Variants in CEACAM8 observed in about 807,000 individuals in gnomAD.
The protein encoded by CEACAM8 is CEA cell adhesion molecule 8.
Under a neutral mutation model 33.4 loss-of-function variants are expected in CEACAM8, and 31 were observed. The ratio of observed to expected loss-of-function variants is 0.93; its 90% CI spans 0.70 to 1.25. The LOEUF (loss-of-function observed/expected upper bound fraction) is 1.25, where lower values mean the gene tolerates loss of function less well. Ranked by LOEUF, CEACAM8 falls within the 50% of genes most tolerant of loss-of-function variation. The pLI is 0.00. For synonymous variants in CEACAM8, 138 were observed against 164.5 expected, an observed-to-expected ratio of 0.84 and a Z score of 1.23; for missense variants, 388 against 434.6, an observed-to-expected ratio of 0.89 and a Z score of 0.95.
intron 5 of CEACAM8, 81 bp downstream of exon 5, chr19:42,583,125 C>A: frequency 1.5e-6 from 1 of 686,730 alleles, no homozygotes; most frequent in Non-Finnish European, 2.6e-6. Context: ...AGGAGGAGAT[C>A]CATTCCCGGG....
chr19:42,590,843 A>G (rs942526883), intron 2 of CEACAM8, among the ~76,000 whole-genome samples: 4 of 152,156 alleles, frequency 2.6e-5, no homozygotes, highest in Admixed American at 2.6e-4. Flanking sequence ...GGTTCTAGAG[A>G]TCTGCTGTAC....
chr19:42,593,626 G>A lies in CEACAM8; in HGVS notation c.339C>T (p.Thr113=), dbSNP rs1392539523. 2 of 1,613,572 alleles carry A rather than the reference G, an allele frequency of 1.2e-6. No homozygotes were observed. The highest frequency in any genetic ancestry group is 8.5e-7 in the Non-Finnish European group (1 of 1,179,638). Residue 113 remains threonine, a synonymous_variant, in exon 2 of 6, where the codon ACC becomes ACT. Transcript: ENST00000244336. ...GGGTGTAGGATCCTGTGTCATTTCT[G>A]GTGACGTTCCGCATCAGCAGGGATG... is the stretch of plus-strand genomic sequence containing the variant. ...PNASLLMRNV[T]RNDTGSYTLQ...
chr19:42,588,675 T>A (rs2147863874), intron 4 of CEACAM8, 109 bp downstream of exon 4: 1 of 1,211,318 alleles, frequency 8.3e-7, no homozygotes, highest in East Asian at 2.3e-5. Flanking sequence ...GGGATTTGCT[T>A]GTGCTGTTGG....
Position 42,589,046 on chromosome 19 carries a change from A to C in CEACAM8, c.704-8T>G. The C allele has an allele frequency of 1.9e-6, 3 of 1,609,448 alleles. No homozygotes were observed. The highest frequency in any genetic ancestry group is 2.5e-6 in the Non-Finnish European group (3 of 1,176,836). On this transcript the variant is annotated splice_region_variant and splice_polypyrimidine_tract_variant and intron_variant, in intron 3 of 5. Transcript: ENST00000244336. ...TGGGGGCATCTGGGCCATCTAGAGCAAAAGAATAAAGTCACAGGTGATGTC... is the reference window on the plus strand; with the variant it reads ...TGGGGGCATCTGGGCCATCTAGAGCCAAAGAATAAAGTCACAGGTGATGTC...
chr19:42,584,218 A>G (rs2042298828), intron 4 of CEACAM8, among the ~76,000 whole-genome samples: 1 of 151,900 alleles, frequency 6.6e-6, no homozygotes, highest in Admixed American at 6.6e-5. Context: ...ACACACACAC[A>G]CACACACACA....
At chr19:42,593,450 G>A (rs545579185) in intron 2 of CEACAM8, 91 bp downstream of exon 2, 10 of 1,478,102 alleles carry the variant, frequency 6.8e-6, no homozygotes, top group East Asian at 4.6e-5. Context: ...GTAATGCAGA[G>A]AGGGACATGG....
intron 4 of CEACAM8, 122 bp from the exon 5 acceptor site, chr19:42,583,459 T>C: frequency 1.4e-6 from 1 of 690,850 alleles, no homozygotes; most frequent in East Asian, 2.8e-5. Context: ...TACATTATTT[T>C]TGTGGGAAGG....
At chr19:42,594,309 G>T (rs1366739135) in intron 1 of CEACAM8, among the ~76,000 whole-genome samples, 1 of 151,834 alleles carries the variant, frequency 6.6e-6, no homozygotes, top group Middle Eastern at 3.2e-3. Flanking sequence ...TGTGAGCTCT[G>T]TGAGGGCAGG....
At chr19:42,585,759 G>GA (rs1042074599) in intron 4 of CEACAM8, among the ~76,000 whole-genome samples, 1 of 151,746 alleles carries the variant, frequency 6.6e-6, no homozygotes, top group African/African-American at 2.4e-5. Flanking sequence ...AATTAGGCAA[G>GA]AAAAAAAGAA....
rs763355380 is a variant in CEACAM8 at position 42,593,909 on chromosome 19, G to C, written c.65-9C>G. 47 of 1,565,562 alleles carry C rather than the reference G, an allele frequency of 3.0e-5. No homozygotes were observed. Among genetic ancestry groups the C allele is most frequent in the Non-Finnish European group, 4.0e-5 (46 of 1,155,382 alleles). ...GAAGGTGAAAAGTGAGGCTAGGAGG[G>C]GGAGAGAGCATCAAGCAATATTGCA... is the stretch of plus-strand genomic sequence containing the variant. On this transcript the variant is annotated splice_polypyrimidine_tract_variant and intron_variant, in intron 1 of 5. Coordinates refer to ENST00000244336, the MANE Select transcript of CEACAM8 (RefSeq NM_001816.4).
chr19:42,584,130 C>T (rs1402198132), intron 4 of CEACAM8, among the ~76,000 whole-genome samples: 1 of 151,968 alleles, frequency 6.6e-6, no homozygotes, highest in East Asian at 1.9e-4. Context: ...TCACGTGTAA[C>T]CAGTAACCAT....
At chr19:42,585,380 C>T (rs1038871128) in intron 4 of CEACAM8, among the ~76,000 whole-genome samples, 13 of 147,900 alleles carry the variant, frequency 8.8e-5, no homozygotes, top group Non-Finnish European at 1.6e-4. Context: ...TATTATATAT[C>T]AATTCTAGAG....
intron 4 of CEACAM8, among the ~76,000 whole-genome samples, chr19:42,584,830 A>G (rs890582098): frequency 6.6e-6 from 1 of 152,348 alleles, no homozygotes; most frequent in South Asian, 2.1e-4. Flanking sequence ...TATTGAATGA[A>G]GGAAGTAATA....
At position 42,593,672 on chromosome 19, in the gene CEACAM8, C is replaced by T. The variant is rs571360079; in HGVS notation, c.293G>A (p.Arg98Gln). 1.6e-5 allele frequency: 26 copies of T among 1,614,036 alleles called. No individual in the cohort carries two copies. Among genetic ancestry groups the T allele is most frequent in the East Asian group, 8.9e-5 (4 of 44,876 alleles). ...GGATGCATTGGGGTATATTGTCTCT[C>T]GATTGCTGTATGCAGGCCCTGGGGT... ...QITPGPAYSN[R>Q]ETIYPNASLL... The change falls in exon 2 of 6, where the codon CGA becomes CAA. Residue 98 changes from arginine to glutamine, a missense_variant. Arg to Gln is a conservative substitution (Grantham distance 43). Coordinates refer to ENST00000244336, the MANE Select transcript of CEACAM8 (RefSeq NM_001816.4).
chr19:42,583,736 C>G (rs2042290481), intron 4 of CEACAM8, among the ~76,000 whole-genome samples: 1 of 152,166 alleles, frequency 6.6e-6, no homozygotes, highest in East Asian at 1.9e-4. Context: ...CAGGTCAGTG[C>G]ATTCCAAATT....
chr19:42,593,731 T>C lies in CEACAM8; in HGVS notation c.234A>G (p.Arg78=). The C allele has an allele frequency of 6.2e-7, 1 of 1,614,118 alleles. No individual in the cohort carries two copies. Among genetic ancestry groups the C allele is most frequent in the Non-Finnish European group, 8.5e-7 (1 of 1,180,028 alleles). Residue 78 remains arginine (R), a synonymous_variant, in exon 2 of 6, where the codon CGA becomes CGG. Coordinates refer to ENST00000244336, the MANE Select transcript of CEACAM8 (RefSeq NM_001816.4). ...YKGETVDANR[R]IIGYVISNQQ... ...GATTTGATATTACATATCCTATAAT[T>C]CGACGGTTGGCATCCACTGTTTCCC...
chr19:42,580,630 G>T lies in CEACAM8; in HGVS notation c.*764C>A, dbSNP rs2042248000. On this transcript the variant is annotated 3_prime_UTR_variant, in exon 6 of 6. Coordinates refer to ENST00000244336, the MANE Select transcript of CEACAM8 (RefSeq NM_001816.4). ...AACATATGAATACTCATGAATAGTT[G>T]CCCAGTTCTGTGGCAGTCAGGTAGG... 6.6e-6 allele frequency: 1 copy of T among 152,202 alleles called. No individual in the cohort carries two copies. The highest frequency in any genetic ancestry group is 1.5e-5 in the Non-Finnish European group (1 of 68,070). The allele number at this position is 152,202 out of a possible 1,614,324, so 9.4% of individuals were successfully genotyped here.
chr19:42,590,505 T>C (rs990682136), intron 2 of CEACAM8, among the ~76,000 whole-genome samples: 1 of 152,124 alleles, frequency 6.6e-6, no homozygotes, highest in Non-Finnish European at 1.5e-5. Context: ...CTCCCATAAA[T>C]ACATGTGGAC....
At chr19:42,591,395 G>A (rs2042435742) in intron 2 of CEACAM8, among the ~76,000 whole-genome samples, 1 of 152,188 alleles carries the variant, frequency 6.6e-6, no homozygotes, top group Non-Finnish European at 1.5e-5. Flanking sequence ...CTGTTAAGAG[G>A]ACAGAACCGG....
Sources: allele counts gnomAD v4.1 joint callset (sites outside exome capture counted in the v4.1 genomes callset), GRCh38; gene constraint gnomAD v4.1.1; transcripts MANE v1.5; gene names NCBI Gene and HGNC (gene_info 2026-07-23, HGNC 2026-07-21).